NFIA: variants seen among roughly 807,000 people sequenced by gnomAD.
NFIA encodes the protein nuclear factor 1 A-type.
Under a neutral mutation model 62.8 loss-of-function variants are expected in NFIA, and 8 were observed. The ratio of observed to expected loss-of-function variants is 0.13; its 90% CI spans 0.07 to 0.23. The LOEUF (loss-of-function observed/expected upper bound fraction) is 0.23. Among genes scored for constraint, NFIA ranks in the 10% least tolerant of loss-of-function variants. The pLI is 1.00. For synonymous variants in NFIA, 235 were observed against 238.1 expected (o/e 0.99, Z 0.12); for missense variants, 410 against 642.1 (o/e 0.64, Z 3.91).
In NFIA at chr1:61,199,030, T is replaced by A. The variant is rs76911334; in HGVS notation, c.560-78490T>A. ...ACTCTCCAATTCTCTCACCTCCCAT[T>A]TTGAAATAGGAATAGTCCTTATTTT... On this transcript the variant is annotated intron_variant, in intron 2 of 10. Transcript: ENST00000403491. 2.0e-3 allele frequency among the ~76,000 whole-genome samples: 304 copies of A among 152,268 alleles called. 2 individuals are homozygous for A. The East Asian group carries it at 0.028, about 14-fold the overall frequency.
chr1:61,382,494 A>G (rs1454777667), intron 6 of NFIA, among the ~76,000 whole-genome samples: 1 of 152,214 alleles, frequency 6.6e-6, no homozygotes, highest in East Asian at 1.9e-4. Context: ...CTACCATTAT[A>G]GTTTATGCAT....
At chr1:61,266,902 TA>T (rs1251985469) in intron 2 of NFIA, among the ~76,000 whole-genome samples, 2 of 152,214 alleles carry the variant, frequency 1.3e-5, no homozygotes, top group African/African-American at 2.4e-5. Context: ...ACTCATAATT[TA>T]CAAGGCACTG....
intron 3 of NFIA, among the ~76,000 whole-genome samples, chr1:61,313,361 C>G (rs1055750104): frequency 6.6e-6 from 1 of 152,208 alleles, no homozygotes; most frequent in Non-Finnish European, 1.5e-5. Flanking sequence ...AGCTTTCACT[C>G]ATGGCAGAGG....
At chr1:61,183,405 C>G (rs1650889151) in intron 2 of NFIA, among the ~76,000 whole-genome samples, 1 of 152,138 alleles carries the variant, frequency 6.6e-6, no homozygotes, top group Non-Finnish European at 1.5e-5. Context: ...CTCATTCAAG[C>G]CCCTTGCTCT....
chr1:61,352,080 AGAAGCTG>A (rs1662572755), intron 4 of NFIA, among the ~76,000 whole-genome samples: 1 of 152,222 alleles, frequency 6.6e-6, no homozygotes. Context: ...ACAGATGAGT[AGAAGCTG>A]TCAGGATCAG....
Position 61,404,290 on chromosome 1 carries a change from A to T in NFIA, c.1254+8A>T, listed in dbSNP as rs750063396. ...CAGGTGGGGTTCCTCAATGTAAGGA[A>T]ACCTCTTTTTTTCCATTTCTTTAGA... On this transcript the variant is annotated splice_region_variant and intron_variant, in intron 8 of 10. Coordinates refer to ENST00000403491, the MANE Select transcript of NFIA (RefSeq NM_001134673.4). 3.1e-6 allele frequency: 5 copies of T among 1,592,426 alleles called. No individual in the cohort carries two copies. The South Asian group carries it at 4.5e-5, about 14-fold the overall frequency.
chr1:61,100,063 A>G (rs559433669), intron 2 of NFIA, among the ~76,000 whole-genome samples: 1 of 152,360 alleles, frequency 6.6e-6, no homozygotes, highest in East Asian at 1.9e-4. Context: ...AAATACATCA[A>G]CACTCTGAAA....
Position 61,433,635 on chromosome 1 carries a change from C to T in NFIA, c.1512+7079C>T, listed in dbSNP as rs372667250. Among the ~76,000 whole-genome samples the T allele has an allele frequency of 3.9e-4, 59 of 152,186 alleles. 1 individual carries two copies. In the South Asian group the frequency reaches 0.011, roughly 29 times the overall value. ...TGTTTAACACCTAATGAATACCTAA[C>T]AAATGATAGCTTTCATTGTTTGGTT... On this transcript the variant is annotated intron_variant, in intron 10 of 10. Transcript: ENST00000403491.
At position 61,203,021 on chromosome 1, in the gene NFIA, C is replaced by T. The variant is rs115053410; in HGVS notation, c.560-74499C>T. The stretch of plus-strand genomic sequence containing the variant: ...GCTTCACTTATTTTGAATTATAGTG[C>T]AATTTTGTGGAGGGTGAAATGGGGA... On this transcript the variant is annotated intron_variant, in intron 2 of 10. Transcript: ENST00000403491. 9.8e-3 allele frequency among the ~76,000 whole-genome samples: 1,494 copies of T among 152,318 alleles called. 10 individuals carry two copies. Among genetic ancestry groups the T allele is most frequent in the Middle Eastern group, 0.027 (8 of 294 alleles).
At chr1:61,106,534 G>A (rs993111502) in intron 2 of NFIA, among the ~76,000 whole-genome samples, 11 of 151,736 alleles carry the variant, frequency 7.2e-5, no homozygotes, top group Admixed American at 6.6e-4. Context: ...GAAAAAGATC[G>A]TGTTAGTAAA....
At chr1:61,333,285 A>G (rs932751061) in intron 4 of NFIA, among the ~76,000 whole-genome samples, 1 of 152,206 alleles carries the variant, frequency 6.6e-6, no homozygotes, top group Non-Finnish European at 1.5e-5. Context: ...ATTGGTTTTG[A>G]GCAGCATCAG....
At chr1:61,448,953 G>A (rs1667943804) in intron 10 of NFIA, among the ~76,000 whole-genome samples, 1 of 152,166 alleles carries the variant, frequency 6.6e-6, no homozygotes. Flanking sequence ...GGTACTGGAT[G>A]GCTTATTGGG....
intron 9 of NFIA, among the ~76,000 whole-genome samples, chr1:61,418,195 G>A (rs1459290816): frequency 6.6e-6 from 1 of 152,172 alleles, no homozygotes; most frequent in African/African-American, 2.4e-5. Flanking sequence ...TGGGTGTCAT[G>A]GCACACACCT....
intron 3 of NFIA, 39 bp from the exon 4 acceptor site, chr1:61,332,473 T>C (rs371061266): frequency 2.4e-5 from 38 of 1,572,744 alleles, no homozygotes; most frequent in Non-Finnish European, 3.3e-5. Flanking sequence ...ATGTCTTGTA[T>C]TTATGACACT....
intron 2 of NFIA, among the ~76,000 whole-genome samples, chr1:61,255,074 G>C (rs1656294759): frequency 6.6e-6 from 1 of 152,192 alleles, no homozygotes; most frequent in Non-Finnish European, 1.5e-5. Flanking sequence ...GATCCCAGGG[G>C]AAGTACAGGA....
Position 61,407,391 on chromosome 1 carries a change from A to G in NFIA, c.1420+664A>G, listed in dbSNP as rs567576103. Reference sequence around the variant, plus strand: ...GTCTGAGAACATTTAATCAAAGAATATAAGATTTCACAACCCTTTTAGATG... The same window carrying G: ...GTCTGAGAACATTTAATCAAAGAATGTAAGATTTCACAACCCTTTTAGATG... On this transcript the variant is annotated intron_variant, in intron 9 of 10. Transcript: ENST00000403491. Among the ~76,000 whole-genome samples the G allele has an allele frequency of 6.6e-5, 10 of 152,338 alleles. 1 individual carries two copies. In the South Asian group the frequency reaches 1.7e-3, roughly 25 times the overall value.
intron 10 of NFIA, among the ~76,000 whole-genome samples, chr1:61,435,009 G>A (rs1380892906): frequency 6.6e-6 from 1 of 152,172 alleles, no homozygotes; most frequent in Non-Finnish European, 1.5e-5. Flanking sequence ...AAAAGTTGAT[G>A]ATAGCCATGC....
At chr1:61,128,352 C>T (rs1647012000) in intron 2 of NFIA, among the ~76,000 whole-genome samples, 1 of 152,072 alleles carries the variant, frequency 6.6e-6, no homozygotes, top group African/African-American at 2.4e-5. Flanking sequence ...ATCTTCAGGC[C>T]TGTAATCCCA....
At chr1:61,158,490 A>G (rs971056123) in intron 2 of NFIA, among the ~76,000 whole-genome samples, 1 of 152,238 alleles carries the variant, frequency 6.6e-6, no homozygotes, top group Non-Finnish European at 1.5e-5. Context: ...ACTCATTCAG[A>G]TGCCTAGGAT....
Sources: allele counts gnomAD v4.1 joint callset (sites outside exome capture counted in the v4.1 genomes callset), GRCh38; gene constraint gnomAD v4.1.1; transcripts MANE v1.5; gene names NCBI Gene and HGNC (gene_info 2026-07-23, HGNC 2026-07-21).